The following MALRD1 variants were observed in gnomAD, a reference collection of about 807,000 sequenced individuals.
The protein encoded by MALRD1 is MAM and LDL-receptor class A domain-containing protein 1.
In MALRD1, 247 loss-of-function variants were observed where a neutral mutation model predicts 242.1. That is an observed-to-expected ratio of 1.02 (90% confidence interval 0.92 to 1.13). MALRD1 has a LOEUF of 1.13. Ranked by LOEUF, MALRD1 falls within the 50% of genes most tolerant of loss-of-function variation. The probability of loss-of-function intolerance (pLI) is 0.00; values close to 1 mark genes in which losing one functional copy is unlikely to be tolerated. For missense variants in MALRD1, 2,989 were observed against 2,533.1 expected (o/e 1.18, Z -3.86); for synonymous variants, 995 against 866.6 (o/e 1.15, Z -2.60).
intron 21 of MALRD1, among the ~76,000 whole-genome samples, chr10:19,317,489 AAAGT>A (rs1842756483): frequency 2.0e-5 from 3 of 152,036 alleles, no homozygotes; most frequent in African/African-American, 7.2e-5. Flanking sequence ...TCTGCAGCTC[AAAGT>A]ATTGTTCACA....
intron 31 of MALRD1, among the ~76,000 whole-genome samples, chr10:19,505,430 A>C (rs1297846420): frequency 4.6e-5 from 7 of 152,182 alleles, no homozygotes; most frequent in Non-Finnish European, 1.5e-5. Flanking sequence ...GGAATCTTCA[A>C]GTACAGAGGA....
At chr10:19,315,582 A>G (rs1842654476) in intron 21 of MALRD1, among the ~76,000 whole-genome samples, 1 of 27,710 alleles carries the variant, frequency 3.6e-5, no homozygotes, top group African/African-American at 1.4e-4. Context: ...TATAAATTAT[A>G]AATTATAAAT....
intron 32 of MALRD1, among the ~76,000 whole-genome samples, chr10:19,532,064 T>C (rs1834440482): frequency 6.6e-6 from 1 of 152,202 alleles, no homozygotes; most frequent in South Asian, 2.1e-4. Context: ...TAGCAGCTCT[T>C]ATTAAGTTCT....
At chr10:19,633,590 T>G (rs944551161) in intron 36 of MALRD1, 21 of 152,050 alleles carry the variant, frequency 1.4e-4, no homozygotes, top group African/African-American at 5.1e-4. Context: ...TCAAAAAGAT[T>G]TCCCCAAATA....
intron 19 of MALRD1, among the ~76,000 whole-genome samples, chr10:19,278,860 CATAAGCAAATTGATATA>C (rs1336951929): frequency 6.6e-6 from 1 of 152,070 alleles, no homozygotes; most frequent in Non-Finnish European, 1.5e-5. Flanking sequence ...AGCAAATTAA[CATAAGCAAATTGATATA>C]ATAAGCAAAT....
At chr10:19,711,982 T>C (rs1317184331) in intron 38 of MALRD1, among the ~76,000 whole-genome samples, 2 of 152,098 alleles carry the variant, frequency 1.3e-5, no homozygotes, top group Non-Finnish European at 2.9e-5. Context: ...AAAATTGTAA[T>C]GGGTGAGGGG....
intron 33 of MALRD1, 127 bp from the exon 34 acceptor site, chr10:19,595,067 A>T: frequency 1.1e-6 from 1 of 927,700 alleles, no homozygotes; most frequent in Non-Finnish European, 1.6e-6. Flanking sequence ...AATCCTAATT[A>T]GAAATTAATT....
intron 2 of MALRD1, among the ~76,000 whole-genome samples, chr10:19,070,805 A>G (rs1015134048): frequency 1.4e-5 from 2 of 142,046 alleles, no homozygotes; most frequent in African/African-American, 2.6e-5. Flanking sequence ...GTTTAAGCAG[A>G]TGATTAAGTT....
chr10:19,615,883 G>T lies in MALRD1; in HGVS notation c.6097G>T (p.Gly2033Cys), dbSNP rs1589311508. 6.5e-7 allele frequency: 1 copy of T among 1,531,772 alleles called. No homozygotes were observed. Among genetic ancestry groups the T allele is most frequent in the Non-Finnish European group, 8.7e-7 (1 of 1,144,316 alleles). The allele number at this position is 1,531,772 out of a possible 1,614,324, so 94.9% of individuals were successfully genotyped here. The change falls in exon 36 of 40, where the codon GGT becomes TGT. Residue 2033 changes from glycine to cysteine, a missense_variant. Transcript: ENST00000454679. ...SECPLNYCRN[G>C]GTCVVEKNGP... ...ATGTCCATTAAATTACTGCAGAAATGGTGGGACTTGTGTAGTGGAGAAAAA... is the reference window on the plus strand; with the variant it reads ...ATGTCCATTAAATTACTGCAGAAATTGTGGGACTTGTGTAGTGGAGAAAAA...
intron 26 of MALRD1, among the ~76,000 whole-genome samples, chr10:19,352,684 GTTA>G (rs1334655332): frequency 6.6e-6 from 1 of 152,146 alleles, no homozygotes; most frequent in East Asian, 1.9e-4. Context: ...CATTTTTGTG[GTTA>G]TGATATTTGC....
At chr10:19,137,607 GAAAAAAAAAAAAA>G (rs34768480) in intron 10 of MALRD1, among the ~76,000 whole-genome samples, 5 of 84,454 alleles carry the variant, frequency 5.9e-5, no homozygotes, top group African/African-American at 8.8e-5. Context: ...GACTCCGTCT[GAAAAAAAAAAAAA>G]AAAAAAAAAA....
chr10:19,730,324 G>A (rs1835236812), intron 38 of MALRD1, among the ~76,000 whole-genome samples: 1 of 152,196 alleles, frequency 6.6e-6, no homozygotes, highest in Admixed American at 6.5e-5. Context: ...GCAGTGTAAA[G>A]GACTTCAAGA....
At chr10:19,165,369 C>T (rs922269903) in intron 12 of MALRD1, among the ~76,000 whole-genome samples, 3 of 150,850 alleles carry the variant, frequency 2.0e-5, no homozygotes, top group Non-Finnish European at 4.4e-5. Context: ...GGCGTGATCT[C>T]AGCTCACTGC....
At chr10:19,400,902 A>G (rs554615137) in intron 28 of MALRD1, among the ~76,000 whole-genome samples, 105 of 151,968 alleles carry the variant, frequency 6.9e-4, no homozygotes, top group Non-Finnish European at 7.4e-4. Context: ...TGTAATCCTA[A>G]TTACTCGGGA....
intron 14 of MALRD1, among the ~76,000 whole-genome samples, chr10:19,196,545 T>G (rs1359611845): frequency 6.6e-6 from 1 of 151,808 alleles, no homozygotes; most frequent in Non-Finnish European, 1.5e-5. Context: ...TGTTTTTTTT[T>G]TTTTTTTCTC....
chr10:19,578,891 C>T lies in MALRD1; in HGVS notation c.5680+11188C>T, dbSNP rs1396578044. Among the ~76,000 whole-genome samples, 4 of 152,018 alleles carry T rather than the reference C, an allele frequency of 2.6e-5. No individual in the cohort carries two copies. The East Asian group carries it at 7.7e-4, about 29-fold the overall frequency. ...TTAGCTTACATCTTCGTACTTGAGC[C>T]ATCCAGTTCTGACCAACAATCTCCA... On this transcript the variant is annotated intron_variant, in intron 33 of 39. Coordinates refer to ENST00000454679, the MANE Select transcript of MALRD1 (RefSeq NM_001142308.3).
chr10:19,064,100 C>G (rs1250537752), intron 1 of MALRD1, among the ~76,000 whole-genome samples: 1 of 152,118 alleles, frequency 6.6e-6, no homozygotes, highest in Non-Finnish European at 1.5e-5. Context: ...TTCCAAGCAA[C>G]CTTCCAATCC....
intron 21 of MALRD1, among the ~76,000 whole-genome samples, chr10:19,315,177 T>TAAATATGTAAATATAATTTATAG (rs1842607503): frequency 1.6e-5 from 2 of 126,246 alleles, no homozygotes; most frequent in African/African-American, 6.1e-5. Context: ...ATAATTTATA[T>TAAATATGTAAATATAATTTATAG]AAATATATAA....
At chr10:19,344,662 A>T in intron 24 of MALRD1, among the ~76,000 whole-genome samples, 1 of 151,434 alleles carries the variant, frequency 6.6e-6, no homozygotes, top group African/African-American at 2.4e-5. Flanking sequence ...ATTTTATAAA[A>T]ATATATATCT....
Sources: allele counts gnomAD v4.1 joint callset (sites outside exome capture counted in the v4.1 genomes callset), GRCh38; gene constraint gnomAD v4.1.1; transcripts MANE v1.5; gene names NCBI Gene and HGNC (gene_info 2026-07-23, HGNC 2026-07-21).